SKP2: variants seen among roughly 807,000 people sequenced by gnomAD.
The protein encoded by SKP2 is S-phase kinase associated protein 2.
A neutral mutation model predicts 51.8 loss-of-function variants in SKP2; 16 were observed. The observed-to-expected ratio is 0.31, with a 90% CI of 0.21 to 0.47. The LOEUF is 0.47. SKP2 is among the 20% of genes least tolerant of loss of function. The pLI is 1.00. For missense variants in SKP2, 377 were observed against 505.3 expected (o/e 0.75, Z 2.43); for synonymous variants, 176 against 198.6 (o/e 0.89, Z 0.96).
At chr5:36,154,526 A>T (rs1744877340) in intron 2 of SKP2, among the ~76,000 whole-genome samples, 1 of 152,108 alleles carries the variant, frequency 6.6e-6, no homozygotes, top group Non-Finnish European at 1.5e-5. Flanking sequence ...GTAGAAACTT[A>T]GGGTCTTTTT....
intron 9 of SKP2, chr5:36,180,154 C>A: frequency 1.7e-6 from 1 of 582,180 alleles, no homozygotes; most frequent in Non-Finnish European, 3.1e-6. Context: ...AGTTTCTTCC[C>A]TTAAATATTC....
In SKP2 at chr5:36,182,182, T is replaced by C; in HGVS notation, c.*151T>C. On this transcript the variant is annotated 3_prime_UTR_variant, in exon 10 of 10. Transcript: ENST00000274255. Reference sequence around the variant, plus strand: ...GGGAGCCATTTGAGAGGGAAAACTATGAAATCTTGCTTTTTGAAATGATTC... The same window carrying C: ...GGGAGCCATTTGAGAGGGAAAACTACGAAATCTTGCTTTTTGAAATGATTC... 1 of 1,423,160 alleles carries C rather than the reference T, an allele frequency of 7.0e-7. No individual in the cohort carries two copies. The highest frequency in any genetic ancestry group is 9.2e-7 in the Non-Finnish European group (1 of 1,092,530). 88.2% of individuals were successfully genotyped at this position (1,423,160 alleles called of 1,614,324 possible). A position where few individuals can be genotyped will look rare whatever the true frequency, so the allele number is the denominator to read the frequency against.
chr5:36,187,876 CTT>C (rs1217085690), downstream of SKP2, among the ~76,000 whole-genome samples: 1 of 152,086 alleles, frequency 6.6e-6, no homozygotes, highest in African/African-American at 2.4e-5. Flanking sequence ...GTCTAAGTCT[CTT>C]TGTAGGTCTC....
chr5:36,172,813 A>G (rs1745515783), intron 7 of SKP2, among the ~76,000 whole-genome samples: 1 of 152,192 alleles, frequency 6.6e-6, no homozygotes, highest in African/African-American at 2.4e-5. Flanking sequence ...GACTACTGCC[A>G]TTCCAAACAC....
At position 36,192,003 on chromosome 5, in the gene SKP2, T is replaced by TATC. The variant is rs1428483049; in HGVS notation, c.633-617_633-615dup. Among the ~76,000 whole-genome samples the TATC allele has an allele frequency of 3.9e-5, 6 of 152,328 alleles. No homozygotes were observed. The East Asian group carries it at 1.2e-3, about 29-fold the overall frequency. ...TTTTACATTTCTCTAAATACCAGAATATCTAAATTGTAATTTTGAGCATTA... is the reference window on the plus strand; with the variant it reads ...TTTTACATTTCTCTAAATACCAGAATATCATCTAAATTGTAATTTTGAGCATTA... On this transcript the variant is annotated intron_variant, in intron 6 of 7. Coordinates refer to the SKP2 transcript ENST00000677886.
chr5:36,153,903 T>C (rs2111940438), intron 2 of SKP2, among the ~76,000 whole-genome samples: 1 of 152,250 alleles, frequency 6.6e-6, no homozygotes, highest in Middle Eastern at 3.4e-3. Flanking sequence ...GGCATTGACC[T>C]GGGGTTATCA....
chr5:36,191,141 T>C (rs1460053227), intron 6 of SKP2, among the ~76,000 whole-genome samples: 2 of 152,194 alleles, frequency 1.3e-5, no homozygotes, highest in Non-Finnish European at 2.9e-5. Flanking sequence ...CTTTCCCCTA[T>C]TCCCATAAAC....
chr5:36,168,227 C>A, intron 4 of SKP2, 86 bp from the exon 5 acceptor site: 1 of 1,288,488 alleles, frequency 7.8e-7, no homozygotes, highest in Middle Eastern at 2.4e-4. Context: ...ATTGGCTGCT[C>A]ATTTGGGGAG....
At chr5:36,155,383 A>G (rs141083854) in intron 2 of SKP2, among the ~76,000 whole-genome samples, 1 of 152,320 alleles carries the variant, frequency 6.6e-6, no homozygotes, top group East Asian at 1.9e-4. Context: ...TCTTGCGTTT[A>G]TCAGCCTTGG....
At position 36,152,197 on chromosome 5, in the gene SKP2, G is replaced by A. The variant is rs1006194556; in HGVS notation, c.-66G>A. The stretch of plus-strand genomic sequence containing the variant: ...TCGGAGCCGCCGCGCGCCAAAGCGG[G>A]AATCTGGGAGGCGAGCAGCTCTGCA... On this transcript the variant is annotated 5_prime_UTR_variant, in exon 1 of 10. Coordinates refer to ENST00000274255, the MANE Select transcript of SKP2 (RefSeq NM_005983.4). The A allele has an allele frequency of 6.3e-7, 1 of 1,589,550 alleles. No individual in the cohort carries two copies. Among genetic ancestry groups the A allele is most frequent in the Non-Finnish European group, 8.6e-7 (1 of 1,158,456 alleles).
chr5:36,179,350 A>G (rs1325051979), intron 9 of SKP2, among the ~76,000 whole-genome samples: 1 of 152,158 alleles, frequency 6.6e-6, no homozygotes, highest in Non-Finnish European at 1.5e-5. Flanking sequence ...AGAGCCATCT[A>G]TGCTAAAGAA....
At position 36,182,993 on chromosome 5, in the gene SKP2, G is replaced by T; in HGVS notation, c.*962G>T. 1.1e-6 allele frequency: 1 copy of T among 917,212 alleles called. No homozygotes were observed. Among genetic ancestry groups the T allele is most frequent in the Non-Finnish European group, 1.3e-6 (1 of 794,806 alleles). 56.8% of individuals were successfully genotyped at this position (917,212 alleles called of 1,614,324 possible). The stretch of plus-strand genomic sequence containing the variant: ...ACTCTGGAATCAAGTATTTTAAATT[G>T]TATTTTTTTTTTAAATGATCTCTCA... On this transcript the variant is annotated 3_prime_UTR_variant, in exon 10 of 10. Coordinates refer to ENST00000274255, the MANE Select transcript of SKP2 (RefSeq NM_005983.4).
At chr5:36,173,502 TC>T (rs1231803381) in intron 7 of SKP2, among the ~76,000 whole-genome samples, 2 of 152,320 alleles carry the variant, frequency 1.3e-5, no homozygotes, top group East Asian at 3.9e-4. Context: ...TATATTTCTT[TC>T]CCACATCTGG....
In SKP2 at chr5:36,171,729, A is replaced by G. The variant is rs758045337; in HGVS notation, c.897A>G (p.Lys299=). Residue 299 remains lysine (K), a synonymous_variant, in exon 7 of 10, where the codon AAA becomes AAG. Coordinates refer to ENST00000274255, the MANE Select transcript of SKP2 (RefSeq NM_005983.4). ...GCGGCTACAGAAAGAATCTCCAGAA[A>G]TCAGGTTAGAGCTTCCAAGCCTGGA... is the stretch of plus-strand genomic sequence containing the variant. ...NLSGYRKNLQ[K]SDLSTLVRRC... 3.7e-6 allele frequency: 6 copies of G among 1,613,700 alleles called. No individual in the cohort carries two copies. The South Asian group carries it at 5.5e-5, about 15-fold the overall frequency.
chr5:36,152,144 C>A lies in SKP2; in HGVS notation c.-119C>A. The A allele has an allele frequency of 9.7e-7, 1 of 1,028,454 alleles. No individual in the cohort carries two copies. Among genetic ancestry groups the A allele is most frequent in the South Asian group, 1.3e-5 (1 of 77,576 alleles). The allele number at this position is 1,028,454 out of a possible 1,614,324, so 63.7% of individuals were successfully genotyped here. ...TGGAACGTTGCTAGGCTTAGCGGGTCTGGCTGCTGGGGGCCCGAGCAGCAC... is the reference window on the plus strand; with the variant it reads ...TGGAACGTTGCTAGGCTTAGCGGGTATGGCTGCTGGGGGCCCGAGCAGCAC... On this transcript the variant is annotated 5_prime_UTR_variant, in exon 1 of 10. The change creates a new upstream start codon in the 5' untranslated region. Coordinates refer to ENST00000274255, the MANE Select transcript of SKP2 (RefSeq NM_005983.4).
intron 3 of SKP2, 49 bp from the exon 4 acceptor site, chr5:36,166,470 A>G: frequency 6.4e-7 from 1 of 1,569,394 alleles, no homozygotes; most frequent in Non-Finnish European, 8.8e-7. Context: ...GAGGGCTTCC[A>G]GCATTTAGTG....
downstream of SKP2, among the ~76,000 whole-genome samples, chr5:36,185,603 T>C (rs1251522364): frequency 6.6e-6 from 1 of 152,338 alleles, no homozygotes; most frequent in Non-Finnish European, 1.5e-5. Context: ...TTCTGTTCCA[T>C]TGATCTATGT....
intron 6 of SKP2, 43 bp downstream of exon 6, chr5:36,170,485 C>A: frequency 1.7e-6 from 2 of 1,164,918 alleles, no homozygotes; most frequent in Non-Finnish European, 2.5e-6. Flanking sequence ...TTATGTCAAA[C>A]GTAAAATTAT....
At chr5:36,190,305 G>A (rs920266734) in intron 6 of SKP2, among the ~76,000 whole-genome samples, 15 of 152,094 alleles carry the variant, frequency 9.9e-5, no homozygotes, top group South Asian at 2.1e-4. Context: ...CGTATTCTGC[G>A]TCGCTCACAC....
Sources: gnomAD v4.1 joint callset for allele counts (sites outside exome capture counted in the v4.1 genomes callset) on GRCh38, gnomAD v4.1.1 for gene constraint, MANE v1.5 for transcripts, NCBI Gene and HGNC (gene_info 2026-07-23, HGNC 2026-07-21) for gene names.